CAPN13: variants seen among roughly 807,000 people sequenced by gnomAD.
The protein encoded by CAPN13 is calpain-13.
CAPN13 carries 90 observed loss-of-function variants against 98.4 expected under a neutral mutation model. That is an observed-to-expected ratio of 0.92 (90% CI 0.77 to 1.09). The LOEUF (loss-of-function observed/expected upper bound fraction) is 1.09, where lower values mean the gene tolerates loss of function less well. CAPN13 is among the 50% of genes least tolerant of loss of function. The pLI is 0.00. For missense variants in CAPN13, 887 were observed against 841.3 expected, an observed-to-expected ratio of 1.05 and a Z score of -0.67; for synonymous variants, 330 against 305.5, an observed-to-expected ratio of 1.08 and a Z score of -0.84.
intron 12 of CAPN13, among the ~76,000 whole-genome samples, chr2:30,745,016 G>T (rs1671837613): frequency 1.3e-5 from 2 of 152,126 alleles, no homozygotes; most frequent in Admixed American, 6.5e-5. Context: ...ACTGTCACAG[G>T]CAGGCTCCCC....
chr2:30,776,318 G>A (rs1240354531), intron 3 of CAPN13, among the ~76,000 whole-genome samples: 2 of 152,032 alleles, frequency 1.3e-5, no homozygotes, highest in Non-Finnish European at 2.9e-5. Flanking sequence ...TGCAACCTCC[G>A]CCTCCCGGGT....
chr2:30,743,732 C>CA, intron 12 of CAPN13, 153 bp from the exon 13 acceptor site: 1 of 740,760 alleles, frequency 1.3e-6, no homozygotes, highest in Non-Finnish European at 2.4e-6. Flanking sequence ...GCTGAAGTCT[C>CA]AAAAAGCAGT....
chr2:30,761,483 C>T (rs909774571), intron 7 of CAPN13, among the ~76,000 whole-genome samples: 1 of 152,200 alleles, frequency 6.6e-6, no homozygotes, highest in Non-Finnish European at 1.5e-5. Context: ...CTGCCATCTC[C>T]ACAGCCAGCC....
intron 2 of CAPN13, among the ~76,000 whole-genome samples, chr2:30,784,537 A>T (rs1227548221): frequency 6.6e-6 from 1 of 152,244 alleles, no homozygotes; most frequent in Non-Finnish European, 1.5e-5. Context: ...CAGAACATAG[A>T]TCAACTTTAG....
At chr2:30,751,977 A>G (rs1339587700) in intron 10 of CAPN13, among the ~76,000 whole-genome samples, 2 of 152,226 alleles carry the variant, frequency 1.3e-5, no homozygotes, top group African/African-American at 4.8e-5. Context: ...CCTGATGTAA[A>G]GGTTTTGTTA....
intron 5 of CAPN13, among the ~76,000 whole-genome samples, chr2:30,769,437 C>A (rs1362488721): frequency 6.6e-6 from 1 of 152,104 alleles, no homozygotes; most frequent in South Asian, 2.1e-4. Flanking sequence ...TTCGTGTTTC[C>A]ATTGTATTGA....
intron 12 of CAPN13, 126 bp downstream of exon 12, chr2:30,745,597 G>A (rs1671866752): frequency 1.4e-5 from 13 of 899,556 alleles, no homozygotes; most frequent in South Asian, 1.1e-4. Context: ...TGTGTCTGAT[G>A]TAAGACTTAG....
intron 22 of CAPN13, among the ~76,000 whole-genome samples, chr2:30,726,505 T>C (rs1376282444): frequency 6.6e-6 from 1 of 152,152 alleles, no homozygotes; most frequent in East Asian, 1.9e-4. Flanking sequence ...TTAAAAATAT[T>C]GGAACTAATA....
At chr2:30,784,674 T>C (rs1674169856) in intron 2 of CAPN13, among the ~76,000 whole-genome samples, 2 of 152,220 alleles carry the variant, frequency 1.3e-5, no homozygotes, top group South Asian at 4.1e-4. Flanking sequence ...AAGGGTCATG[T>C]AACATGGTGT....
At position 30,753,210 on chromosome 2, in the gene CAPN13, A is replaced by T; in HGVS notation, c.942-12T>A. 1 of 1,613,828 alleles carries T rather than the reference A, an allele frequency of 6.2e-7. No individual in the cohort carries two copies. Among genetic ancestry groups the T allele is most frequent in the Non-Finnish European group, 8.5e-7 (1 of 1,179,770 alleles). On this transcript the variant is annotated splice_polypyrimidine_tract_variant and intron_variant, in intron 9 of 22. Transcript: ENST00000295055. Reference sequence around the variant, plus strand: ...CTTGACACGACATCCTGTTAAAAACAGATATACATCACTCAGTGACCAGGG... The same window carrying T: ...CTTGACACGACATCCTGTTAAAAACTGATATACATCACTCAGTGACCAGGG...
intron 2 of CAPN13, among the ~76,000 whole-genome samples, chr2:30,780,343 C>T (rs1673922389): frequency 6.6e-6 from 1 of 152,206 alleles, no homozygotes; most frequent in Admixed American, 6.5e-5. Flanking sequence ...ACAGACATAC[C>T]AGACTTATTT....
intron 9 of CAPN13, 21 bp downstream of exon 9, chr2:30,754,269 T>A: frequency 1.3e-6 from 2 of 1,574,462 alleles, no homozygotes; most frequent in Non-Finnish European, 8.6e-7. Context: ...TAAAACACCA[T>A]TGTATAAGAA....
At chr2:30,785,445 G>A (rs542983983) in intron 2 of CAPN13, among the ~76,000 whole-genome samples, 58 of 152,294 alleles carry the variant, frequency 3.8e-4, no homozygotes, top group Middle Eastern at 6.8e-3. Flanking sequence ...GTGCCAGAAT[G>A]AAAAATACCC....
intron 11 of CAPN13, among the ~76,000 whole-genome samples, chr2:30,749,160 G>T (rs949980507): frequency 6.6e-6 from 1 of 152,200 alleles, no homozygotes; most frequent in East Asian, 1.9e-4. Context: ...CTGAAGTACA[G>T]GTTGAGCATC....
chr2:30,758,787 T>TCCCTCCC (rs371815700), intron 7 of CAPN13, among the ~76,000 whole-genome samples: 2 of 27,510 alleles, frequency 7.3e-5, no homozygotes, highest in African/African-American at 1.8e-4. Context: ...CCTCCCTCCC[T>TCCCTCCC]TTCCTTTCCT....
intron 3 of CAPN13, among the ~76,000 whole-genome samples, chr2:30,776,553 T>C (rs1237498604): frequency 1.3e-5 from 2 of 152,144 alleles, no homozygotes; most frequent in Non-Finnish European, 2.9e-5. Context: ...TTACAGCAAA[T>C]TTTGGCAATG....
intron 2 of CAPN13, among the ~76,000 whole-genome samples, chr2:30,782,240 T>C (rs571179230): frequency 6.6e-6 from 1 of 152,330 alleles, no homozygotes; most frequent in African/African-American, 2.4e-5. Context: ...CTCTAAAGAC[T>C]TCCACATCCT....
intron 1 of CAPN13, among the ~76,000 whole-genome samples, chr2:30,804,916 A>G (rs1675518834): frequency 6.6e-6 from 1 of 152,228 alleles, no homozygotes; most frequent in South Asian, 2.1e-4. Context: ...TGCTGTACGC[A>G]GTGTTCAGCA....
At chr2:30,729,996 G>C (rs1671006549) in intron 22 of CAPN13, 1 of 152,172 alleles carries the variant, frequency 6.6e-6, no homozygotes, top group Non-Finnish European at 1.5e-5. Context: ...TTTCTACAGT[G>C]GTCCAGAGAG....
Sources: gnomAD v4.1 joint callset for allele counts (sites outside exome capture counted in the v4.1 genomes callset) on GRCh38, gnomAD v4.1.1 for gene constraint, MANE v1.5 for transcripts, NCBI Gene and HGNC (gene_info 2026-07-23, HGNC 2026-07-21) for gene names.